TMEM132D: variants seen among roughly 807,000 people sequenced by gnomAD.
The protein encoded by TMEM132D is transmembrane protein 132D.
A neutral mutation model predicts 62.3 loss-of-function variants in TMEM132D; 21 were observed. The ratio of observed to expected loss-of-function variants is 0.34; its 90% confidence interval spans 0.24 to 0.49. The LOEUF is 0.49. TMEM132D is among the 20% of genes least tolerant of loss of function. TMEM132D has a pLI of 0.99. For missense variants in TMEM132D, 1,346 were observed against 1,402.8 expected, an observed-to-expected ratio of 0.96 and a Z score of 0.65; for synonymous variants, 621 against 575.6, an observed-to-expected ratio of 1.08 and a Z score of -1.13.
chr12:129,337,149 T>C (rs1869308004), intron 4 of TMEM132D, among the ~76,000 whole-genome samples: 2 of 152,268 alleles, frequency 1.3e-5, no homozygotes, highest in South Asian at 4.1e-4. Context: ...TCTTTCAGCA[T>C]GACAGAAGAA....
At position 129,800,008 on chromosome 12, in the gene TMEM132D, A is replaced by G. The variant is rs1280067886; in HGVS notation, c.80-99310T>C. 2.6e-5 allele frequency among the ~76,000 whole-genome samples: 4 copies of G among 152,208 alleles called. No homozygotes were observed. In the East Asian group the frequency reaches 7.7e-4, roughly 29 times the overall value. On this transcript the variant is annotated intron_variant, in intron 1 of 8. Transcript: ENST00000422113. ...CATGCTGCCTCAGGCACGTGCGTAC[A>G]GTCATTTTATGAGCTTTAGAGCTGA...
intron 4 of TMEM132D, among the ~76,000 whole-genome samples, chr12:129,326,145 C>T (rs942409961): frequency 2.6e-5 from 4 of 152,158 alleles, no homozygotes; most frequent in Admixed American, 6.5e-5. Flanking sequence ...TGGTTAATCC[C>T]GTGGACACTC....
intron 5 of TMEM132D, among the ~76,000 whole-genome samples, chr12:129,150,028 T>C (rs568349131): frequency 7.2e-5 from 11 of 152,312 alleles, no homozygotes; most frequent in Admixed American, 2.0e-4. Flanking sequence ...TTGCATTTCG[T>C]CAGATGTAAA....
chr12:129,848,848 C>T (rs751476295), intron 1 of TMEM132D, among the ~76,000 whole-genome samples: 2 of 152,168 alleles, frequency 1.3e-5, no homozygotes, highest in East Asian at 1.9e-4. Context: ...AGGACAACCA[C>T]GTGAAGAAGT....
At chr12:129,325,754 A>G (rs1868888450) in intron 4 of TMEM132D, among the ~76,000 whole-genome samples, 1 of 152,206 alleles carries the variant, frequency 6.6e-6, no homozygotes, top group Non-Finnish European at 1.5e-5. Flanking sequence ...GCAATTAGTC[A>G]CAGTAGGAAC....
chr12:129,229,373 C>CA (rs1434281606), intron 4 of TMEM132D, among the ~76,000 whole-genome samples: 1 of 152,196 alleles, frequency 6.6e-6, no homozygotes, highest in Non-Finnish European at 1.5e-5. Context: ...ACGTACACTT[C>CA]ATTTATAGCT....
At chr12:129,765,218 A>C (rs1160852442) in intron 1 of TMEM132D, among the ~76,000 whole-genome samples, 1 of 152,206 alleles carries the variant, frequency 6.6e-6, no homozygotes, top group African/African-American at 2.4e-5. Context: ...AGGCAATTCT[A>C]CAACTCTGAA....
At chr12:129,524,214 T>C (rs1406121943) in intron 3 of TMEM132D, among the ~76,000 whole-genome samples, 1 of 150,798 alleles carries the variant, frequency 6.6e-6, no homozygotes, top group African/African-American at 2.4e-5. Flanking sequence ...ACATGTACCC[T>C]AAAACTTAAA....
chr12:129,805,538 A>G (rs1429606427), intron 1 of TMEM132D, among the ~76,000 whole-genome samples: 1 of 152,118 alleles, frequency 6.6e-6, no homozygotes, highest in Non-Finnish European at 1.5e-5. Flanking sequence ...TACAAAACTC[A>G]ATTCAAGATG....
chr12:129,823,735 T>A (rs953589075), intron 1 of TMEM132D, among the ~76,000 whole-genome samples: 1 of 152,204 alleles, frequency 6.6e-6, no homozygotes, highest in Non-Finnish European at 1.5e-5. Flanking sequence ...TGCGGCTCTA[T>A]CACTTGCTAG....
chr12:129,196,815 T>C (rs1352799463), intron 5 of TMEM132D, among the ~76,000 whole-genome samples: 1 of 152,200 alleles, frequency 6.6e-6, no homozygotes, highest in Non-Finnish European at 1.5e-5. Context: ...AATTGATATA[T>C]ACAATCTCAC....
intron 1 of TMEM132D, among the ~76,000 whole-genome samples, chr12:129,866,677 G>A (rs1435930533): frequency 6.6e-6 from 1 of 152,090 alleles, no homozygotes; most frequent in Non-Finnish European, 1.5e-5. Context: ...GGGTGGGAAT[G>A]TAAGTTGGTA....
intron 4 of TMEM132D, among the ~76,000 whole-genome samples, chr12:129,256,321 G>A (rs922580132): frequency 2.6e-5 from 4 of 152,244 alleles, no homozygotes; most frequent in Non-Finnish European, 5.9e-5. Flanking sequence ...ACGCAGTGGC[G>A]GAATGACATG....
chr12:129,168,566 C>T (rs1175742722), intron 5 of TMEM132D, among the ~76,000 whole-genome samples: 2 of 152,152 alleles, frequency 1.3e-5, no homozygotes, highest in Non-Finnish European at 2.9e-5. Context: ...ATATGACGTC[C>T]TCAAGGTCCA....
rs778937915 is a variant in TMEM132D at position 129,074,265 on chromosome 12, C to T, written c.2910G>A (p.Arg970=). 1 of 1,614,108 alleles carries T rather than the reference C, an allele frequency of 6.2e-7. No homozygotes were observed. Among genetic ancestry groups the T allele is most frequent in the South Asian group, 1.1e-5 (1 of 91,070 alleles). Residue 970 remains arginine, a synonymous_variant, in exon 9 of 9, where the codon CGG becomes CGA. Transcript: ENST00000422113. ...TGATGTGATTCTCCAACAGCTCTGTCCGGTTGCTTAACCCAACCCAGTCAT... is the reference window on the plus strand; with the variant it reads ...TGATGTGATTCTCCAACAGCTCTGTTCGGTTGCTTAACCCAACCCAGTCAT... The part of the protein sequence containing the change: ...HSHDWVGLSN[R]TELLENHINF...
intron 2 of TMEM132D, among the ~76,000 whole-genome samples, chr12:129,588,987 T>G (rs989323935): frequency 6.6e-6 from 1 of 152,168 alleles, no homozygotes; most frequent in Middle Eastern, 3.4e-3. Context: ...GAAGAAACCT[T>G]CTTGCAGTGG....
intron 2 of TMEM132D, among the ~76,000 whole-genome samples, chr12:129,636,737 T>TGTGTGTGTGTGTGTGTGA (rs375868329): frequency 2.5e-4 from 28 of 113,624 alleles, no homozygotes; most frequent in South Asian, 7.7e-4. Flanking sequence ...TGTGTGTGTG[T>TGTGTGTGTGTGTGTGTGA]GAGAGAGAGA....
chr12:129,337,672 T>C lies in TMEM132D; in HGVS notation c.1261A>G (p.Ser421Gly). Residue 421 changes from serine (S) to glycine (G), a missense_variant, in exon 4 of 9, where the codon AGC becomes GGC. Transcript: ENST00000422113. ...SDLGVSKIYVSPKDLIGVVPL... is the reference protein window; with the variant it reads ...SDLGVSKIYVGPKDLIGVVPL... ...ACAACTCCAATCAAGTCCTTTGGGC[T>C]CACATAGATCTTGGACACTCCCAAG... 6.2e-7 allele frequency: 1 copy of C among 1,614,118 alleles called. No homozygotes were observed. The highest frequency in any genetic ancestry group is 1.3e-5 in the African/African-American group (1 of 75,058).
intron 2 of TMEM132D, among the ~76,000 whole-genome samples, chr12:129,574,778 G>C (rs1877612621): frequency 6.6e-6 from 1 of 151,682 alleles, no homozygotes; most frequent in Admixed American, 6.6e-5. Context: ...GAAATCTAAG[G>C]TTTGCTGCGC....
Sources: gnomAD v4.1 joint callset for allele counts (sites outside exome capture counted in the v4.1 genomes callset) on GRCh38, gnomAD v4.1.1 for gene constraint, MANE v1.5 for transcripts, NCBI Gene and HGNC (gene_info 2026-07-23, HGNC 2026-07-21) for gene names.